FAM163A: variants seen among roughly 807,000 people sequenced by gnomAD.
The protein encoded by FAM163A is protein FAM163A.
FAM163A carries 7 observed loss-of-function variants against 12.0 expected under a neutral mutation model. That is an observed-to-expected ratio of 0.58 (90% CI 0.33 to 1.10). The LOEUF (loss-of-function observed/expected upper bound fraction) is 1.10. Ranked by LOEUF, FAM163A falls within the 50% of genes least tolerant of loss-of-function variation. The probability of loss-of-function intolerance (pLI) is 0.03; values close to 1 mark genes in which losing one functional copy is unlikely to be tolerated. For synonymous variants in FAM163A, 101 were observed against 91.0 expected (o/e 1.11, Z -0.62); for missense variants, 202 against 218.6 (o/e 0.92, Z 0.48).
At chr1:179,803,722 C>T (rs988830929) in intron 1 of FAM163A, among the ~76,000 whole-genome samples, 2 of 151,970 alleles carry the variant, frequency 1.3e-5, no homozygotes, top group East Asian at 1.9e-4. Context: ...GCACGTGCTA[C>T]CACGCCCGGC....
intron 1 of FAM163A, among the ~76,000 whole-genome samples, chr1:179,747,401 T>TA (rs1015676502): frequency 6.6e-6 from 1 of 152,188 alleles, no homozygotes; most frequent in Non-Finnish European, 1.5e-5. Context: ...ATGGGGGAGA[T>TA]ATTAGGTACT....
chr1:179,813,748 C>T (rs767396668), intron 4 of FAM163A, 31 bp from the exon 5 acceptor site: 2 of 1,612,314 alleles, frequency 1.2e-6, no homozygotes, highest in Non-Finnish European at 8.5e-7. Flanking sequence ...AGCATTCACC[C>T]TCTCAGGCAT....
rs530059330 is a variant in FAM163A, at chr1:179,816,167, A to G, written c.*1978A>G. 23 of 152,370 alleles carry G rather than the reference A, an allele frequency of 1.5e-4. No homozygotes were observed. Among genetic ancestry groups the G allele is most frequent in the African/African-American group, 5.5e-4 (23 of 41,578 alleles). 9.4% of individuals were successfully genotyped at this position (152,370 alleles called of 1,614,324 possible). On this transcript the variant is annotated 3_prime_UTR_variant, in exon 5 of 5. Coordinates refer to ENST00000341785, the MANE Select transcript of FAM163A (RefSeq NM_173509.3). ...AGGGATGCTTGCTGATGGATGAAAG[A>G]CCACAATAAAACAAGATTAGCAGCA...
intron 1 of FAM163A, among the ~76,000 whole-genome samples, chr1:179,744,449 C>T (rs1265043029): frequency 1.3e-5 from 2 of 152,100 alleles, no homozygotes; most frequent in Non-Finnish European, 2.9e-5. Flanking sequence ...GGCCGAGAGC[C>T]GCGCGCCGGG....
chr1:179,728,117 G>A, the FAM163A span, among the ~76,000 whole-genome samples: 1 of 152,132 alleles, frequency 6.6e-6, no homozygotes, highest in Non-Finnish European at 1.5e-5. Context: ...GACATGCTGA[G>A]CCCAGTGCCT....
Position 179,815,917 on chromosome 1 carries a change from C to T in FAM163A, c.*1728C>T, listed in dbSNP as rs1695281392. 6.6e-6 allele frequency: 1 copy of T among 152,208 alleles called. No individual in the cohort carries two copies. The highest frequency in any genetic ancestry group is 2.1e-4 in the South Asian group (1 of 4,834). The allele number at this position is 152,208 out of a possible 1,614,324, so 9.4% of individuals were successfully genotyped here. On this transcript the variant is annotated 3_prime_UTR_variant, in exon 5 of 5. Coordinates refer to ENST00000341785, the MANE Select transcript of FAM163A (RefSeq NM_173509.3). Reference sequence around the variant, plus strand: ...AAGTGCCCTGGGTTGAGAAGCAGACCTGGGCTCTGGTCACACTTTGGTCAC... The same window carrying T: ...AAGTGCCCTGGGTTGAGAAGCAGACTTGGGCTCTGGTCACACTTTGGTCAC...
intron 1 of FAM163A, among the ~76,000 whole-genome samples, chr1:179,804,961 G>A (rs1221555284): frequency 6.6e-6 from 1 of 152,114 alleles, no homozygotes; most frequent in Non-Finnish European, 1.5e-5. Context: ...TAAAATAAAA[G>A]TTTTTTAAAA....
intron 1 of FAM163A, among the ~76,000 whole-genome samples, chr1:179,777,425 G>A (rs559265638): frequency 6.6e-6 from 1 of 152,294 alleles, no homozygotes; most frequent in South Asian, 2.1e-4. Flanking sequence ...TGCTGTGGGT[G>A]AGTTAGACAA....
intron 1 of FAM163A, among the ~76,000 whole-genome samples, chr1:179,784,552 C>A (rs944384740): frequency 6.6e-6 from 1 of 152,204 alleles, no homozygotes; most frequent in African/African-American, 2.4e-5. Flanking sequence ...TAGTCCCTTC[C>A]TGCTTGGTCC....
chr1:179,765,948 G>A (rs1687443512), intron 1 of FAM163A, among the ~76,000 whole-genome samples: 1 of 152,140 alleles, frequency 6.6e-6, no homozygotes, highest in Non-Finnish European at 1.5e-5. Flanking sequence ...TTGCCTAGGA[G>A]GGATCTGATA....
intron 1 of FAM163A, among the ~76,000 whole-genome samples, chr1:179,759,067 C>T (rs1686436892): frequency 6.6e-6 from 1 of 152,182 alleles, no homozygotes; most frequent in African/African-American, 2.4e-5. Context: ...TGTTCACCTG[C>T]CTTTGCAGAA....
chr1:179,733,767 T>C, the FAM163A span, among the ~76,000 whole-genome samples: 1 of 152,072 alleles, frequency 6.6e-6, no homozygotes, highest in Non-Finnish European at 1.5e-5. Flanking sequence ...ACAAATTCAC[T>C]CACCAGAATG....
At chr1:179,769,980 A>T (rs1688056164) in intron 1 of FAM163A, among the ~76,000 whole-genome samples, 1 of 128,828 alleles carries the variant, frequency 7.8e-6, no homozygotes, top group Admixed American at 1.1e-4. Context: ...ATCTCGGCTC[A>T]CTGCAAGCTC....
intron 1 of FAM163A, among the ~76,000 whole-genome samples, chr1:179,780,153 G>A (rs878996716): frequency 6.6e-6 from 1 of 152,156 alleles, no homozygotes; most frequent in Admixed American, 6.5e-5. Flanking sequence ...TAGATAATGG[G>A]CCAAAAGGCA....
At chr1:179,789,188 T>C (rs998595135) in intron 1 of FAM163A, among the ~76,000 whole-genome samples, 3 of 151,978 alleles carry the variant, frequency 2.0e-5, no homozygotes, top group Admixed American at 1.3e-4. Context: ...ACTAGATTTT[T>C]TTTTCTTTTT....
At chr1:179,798,638 G>T (rs1024944905) in intron 1 of FAM163A, among the ~76,000 whole-genome samples, 1 of 152,218 alleles carries the variant, frequency 6.6e-6, no homozygotes, top group African/African-American at 2.4e-5. Context: ...CCCAGAAGCT[G>T]CCTTGTCCCA....
intron 1 of FAM163A, among the ~76,000 whole-genome samples, chr1:179,792,702 T>C (rs923940538): frequency 1.3e-5 from 2 of 152,020 alleles, no homozygotes; most frequent in Admixed American, 6.6e-5. Context: ...GAGCTGATGA[T>C]CTCCATCACC....
chr1:179,783,255 T>C (rs1394649097), intron 1 of FAM163A, among the ~76,000 whole-genome samples: 1 of 151,918 alleles, frequency 6.6e-6, no homozygotes, highest in Non-Finnish European at 1.5e-5. Flanking sequence ...AGTAGAAACA[T>C]GGGGAAAGAC....
intron 1 of FAM163A, among the ~76,000 whole-genome samples, chr1:179,763,005 TGGG>T (rs1687017804): frequency 2.0e-5 from 3 of 152,186 alleles, no homozygotes; most frequent in African/African-American, 7.2e-5. Flanking sequence ...CATCTCTACA[TGGG>T]AGATACTTAG....
Sources: allele counts gnomAD v4.1 joint callset (sites outside exome capture counted in the v4.1 genomes callset), GRCh38; gene constraint gnomAD v4.1.1; transcripts MANE v1.5; gene names NCBI Gene and HGNC (gene_info 2026-07-23, HGNC 2026-07-21).